ATP7A: variants seen among roughly 807,000 people sequenced by gnomAD.
The protein encoded by ATP7A is copper-transporting ATPase 1.
ATP7A carries 7 observed loss-of-function variants against 83.5 expected under a neutral mutation model. That is an observed-to-expected ratio of 0.08 (90% CI 0.05 to 0.16). The LOEUF (loss-of-function observed/expected upper bound fraction) is 0.16, where lower values mean the gene tolerates loss of function less well. Among genes scored for constraint, ATP7A ranks in the 10% least tolerant of loss-of-function variants. ATP7A has a pLI of 1.00. For missense variants in ATP7A, 940 were observed against 1,120.8 expected, an observed-to-expected ratio of 0.84 and a Z score of 2.30; for synonymous variants, 354 against 395.2, an observed-to-expected ratio of 0.90 and a Z score of 1.24.
chrX:78,010,815 G>A (rs2077817139), intron 7 of ATP7A, among the ~76,000 whole-genome samples: 1 of 109,706 alleles, frequency 9.1e-6, no homozygotes, highest in African/African-American at 3.3e-5. Flanking sequence ...TCCTGACTTT[G>A]TGATTTGCCC....
intron 1 of ATP7A, among the ~76,000 whole-genome samples, chrX:77,949,380 C>T (rs1557226564): frequency 9.0e-6 from 1 of 111,516 alleles, no homozygotes; most frequent in Non-Finnish European, 1.9e-5. Context: ...TTTATTATTA[C>T]CCCCCAATCT....
At chrX:78,030,421 CAA>C (rs36079776) in intron 15 of ATP7A, among the ~76,000 whole-genome samples, 1 of 84,270 alleles carries the variant, frequency 1.2e-5, no homozygotes, top group African/African-American at 4.4e-5. Context: ...GACTCCATCT[CAA>C]AAAAAAAAAA....
rs1411147957 is a variant in ATP7A, at chrX:78,048,799, T to C, written c.*2229T>C. 9.0e-6 allele frequency: 1 copy of C among 111,320 alleles called. No individual in the cohort carries two copies. The highest frequency in any genetic ancestry group is 1.9e-5 in the Non-Finnish European group (1 of 53,119). 9.2% of individuals were successfully genotyped at this position (111,320 alleles called of 1,213,427 possible). On this transcript the variant is annotated 3_prime_UTR_variant, in exon 23 of 23. Coordinates refer to ENST00000341514, the MANE Select transcript of ATP7A (RefSeq NM_000052.7). ...CCCATCTTATAATACAACTTGTTTC[T>C]TCTAGAAGACAGAGCTGATAGGGTA...
Position 78,017,204 on chromosome X carries a change from C to T in ATP7A, c.2626+1323C>T, listed in dbSNP as rs113187886. On this transcript the variant is annotated intron_variant, in intron 12 of 22. Coordinates refer to ENST00000341514, the MANE Select transcript of ATP7A (RefSeq NM_000052.7). ...GCTGCCAAGGCTTGGGGCTTGCACC[C>T]TCTGAAGCAATGGCCTGAGTTGTAC... Among the ~76,000 whole-genome samples, 233 of 112,608 alleles carry T rather than the reference C, an allele frequency of 2.1e-3. 2 individuals are homozygous for T. The highest frequency in any genetic ancestry group is 7.0e-3 in the African/African-American group (216 of 31,001).
intron 5 of ATP7A, among the ~76,000 whole-genome samples, chrX:78,001,737 T>TAGAA (rs1191300311): frequency 4.5e-5 from 5 of 111,143 alleles, no homozygotes; most frequent in Non-Finnish European, 9.4e-5. Context: ...CACAGAATCC[T>TAGAA]AGAAAGAACT....
At chrX:77,993,289 G>C (rs2077680538) in intron 4 of ATP7A, among the ~76,000 whole-genome samples, 1 of 111,608 alleles carries the variant, frequency 9.0e-6, no homozygotes, top group African/African-American at 3.3e-5. Context: ...CTATTCACTT[G>C]GGTTTATATT....
intron 1 of ATP7A, among the ~76,000 whole-genome samples, chrX:77,954,182 C>T (rs144084978): frequency 5.9e-4 from 66 of 111,826 alleles, no homozygotes; most frequent in African/African-American, 1.2e-3. Context: ...CTCTGTCACC[C>T]AGGCTGGGGT....
At chrX:78,009,835 C>G (rs1368845143) in intron 7 of ATP7A, among the ~76,000 whole-genome samples, 1 of 111,860 alleles carries the variant, frequency 8.9e-6, no homozygotes, top group African/African-American at 3.2e-5. Context: ...GTGCCACGCA[C>G]CCATAGTATT....
intron 14 of ATP7A, among the ~76,000 whole-genome samples, chrX:78,021,809 C>G (rs781957544): frequency 9.0e-6 from 1 of 111,531 alleles, no homozygotes; most frequent in Non-Finnish European, 1.9e-5. Flanking sequence ...GGTCCCCCTG[C>G]GAAACCCCTG....
chrX:78,036,529 G>A (rs2078014540), intron 17 of ATP7A, among the ~76,000 whole-genome samples: 1 of 111,302 alleles, frequency 9.0e-6, no homozygotes. Flanking sequence ...GACTAGATAT[G>A]TAAGGACAAA....
intron 1 of ATP7A, among the ~76,000 whole-genome samples, chrX:77,944,862 T>G (rs1265511745): frequency 1.8e-5 from 2 of 109,857 alleles, no homozygotes; most frequent in African/African-American, 6.6e-5. Flanking sequence ...ATTTATTTAT[T>G]TATTTGTGAT....
intron 1 of ATP7A, among the ~76,000 whole-genome samples, chrX:77,942,293 T>C (rs908003750): frequency 1.8e-5 from 2 of 112,539 alleles, no homozygotes; most frequent in Middle Eastern, 4.6e-3. Context: ...AACTTACCCA[T>C]GTCTTGTTCC....
At chrX:78,037,223 A>T (rs2078018935) in intron 17 of ATP7A, among the ~76,000 whole-genome samples, 1 of 112,395 alleles carries the variant, frequency 8.9e-6, no homozygotes, top group African/African-American at 3.2e-5. Context: ...TCCAGGAAAC[A>T]GACTGAATCA....
chrX:77,941,686 A>G (rs930760215), intron 1 of ATP7A, among the ~76,000 whole-genome samples: 5 of 112,205 alleles, frequency 4.5e-5, no homozygotes, highest in African/African-American at 1.6e-4. Flanking sequence ...CACTGGGAAT[A>G]ATAAAGTTTT....
intron 1 of ATP7A, among the ~76,000 whole-genome samples, chrX:77,931,667 A>C (rs781964247): frequency 2.5e-4 from 21 of 84,089 alleles, no homozygotes; most frequent in Non-Finnish European, 3.7e-4. Flanking sequence ...TCCCTCCCGG[A>C]CGGGGTGGCT....
intron 9 of ATP7A, 70 bp from the exon 10 acceptor site, chrX:78,012,809 A>C: frequency 1.1e-6 from 1 of 939,488 alleles, no homozygotes; most frequent in South Asian, 2.0e-5. Flanking sequence ...TTGATACTTT[A>C]AGTTATTGAG....
intron 2 of ATP7A, among the ~76,000 whole-genome samples, chrX:77,977,306 A>C (rs1321226830): frequency 8.9e-6 from 1 of 112,066 alleles, no homozygotes; most frequent in African/African-American, 3.2e-5. Context: ...GTTGAGGGCC[A>C]GAACAGAAGC....
chrX:77,964,870 A>G (rs1327509946), intron 1 of ATP7A: 4 of 112,121 alleles, frequency 3.6e-5, no homozygotes, highest in African/African-American at 9.8e-5. Context: ...TAGTGCCTCA[A>G]TAAACATACA....
rs1557236690 is a variant in ATP7A, at chrX:78,029,252, C to T, written c.2919C>T (p.Gly973=). The T allele has an allele frequency of 8.3e-7, 1 of 1,210,195 alleles. No homozygotes were observed. Among genetic ancestry groups the T allele is most frequent in the African/African-American group, 1.7e-5 (1 of 57,742 alleles). ...NFEIVETYFP[G]YNRSISRTET... ...AAATTTATGCCTTTCTTCTAAAGGG[C>T]TACAATAGAAGTATCTCCCGAACAG... Residue 973 remains glycine (G), a splice_region_variant and synonymous_variant, in exon 15 of 23, where the codon GGC becomes GGT. Coordinates refer to ENST00000341514, the MANE Select transcript of ATP7A (RefSeq NM_000052.7).
Sources: allele counts gnomAD v4.1 joint callset (sites outside exome capture counted in the v4.1 genomes callset), GRCh38; gene constraint gnomAD v4.1.1; transcripts MANE v1.5; gene names NCBI Gene and HGNC (gene_info 2026-07-23, HGNC 2026-07-21).